The following TRAPPC8 variants were observed in gnomAD, a reference collection of about 807,000 sequenced individuals.
The protein encoded by TRAPPC8 is trafficking protein particle complex subunit 8.
TRAPPC8 carries 54 observed loss-of-function variants against 174.3 expected under a neutral mutation model. The ratio of observed to expected loss-of-function variants is 0.31; its 90% CI spans 0.25 to 0.39. TRAPPC8 has a LOEUF of 0.39. Among genes scored for constraint, TRAPPC8 ranks in the 10% least tolerant of loss-of-function variants. The probability of loss-of-function intolerance (pLI) is 1.00; values close to 1 mark genes in which losing one functional copy is unlikely to be tolerated. For missense variants in TRAPPC8, 1,531 were observed against 1,699.1 expected, an observed-to-expected ratio of 0.90 and a Z score of 1.74; for synonymous variants, 630 against 579.9, an observed-to-expected ratio of 1.09 and a Z score of -1.24.
chr18:31,919,143 T>C (rs2037267874), intron 2 of TRAPPC8, among the ~76,000 whole-genome samples: 1 of 152,170 alleles, frequency 6.6e-6, no homozygotes, highest in Non-Finnish European at 1.5e-5. Flanking sequence ...ATATATTACA[T>C]ATAGTCTGAT....
At chr18:31,889,047 T>C (rs1331106338) in intron 12 of TRAPPC8, among the ~76,000 whole-genome samples, 1 of 152,166 alleles carries the variant, frequency 6.6e-6, no homozygotes, top group Non-Finnish European at 1.5e-5. Flanking sequence ...ATTAGATATA[T>C]ATTGTATTGG....
At chr18:31,876,869 C>T (rs2035180994) in intron 12 of TRAPPC8, among the ~76,000 whole-genome samples, 1 of 152,206 alleles carries the variant, frequency 6.6e-6, no homozygotes, top group African/African-American at 2.4e-5. Context: ...GGCCAGCTCA[C>T]ACAGGCATGC....
chr18:31,916,471 A>AT (rs1568132931), intron 3 of TRAPPC8, 25 bp from the exon 4 acceptor site: 5 of 1,574,292 alleles, frequency 3.2e-6, no homozygotes, highest in Non-Finnish European at 4.3e-6. Context: ...TATTAAGGTA[A>AT]TTATCGCTTA....
At chr18:31,921,661 T>C (rs1464731184) in intron 2 of TRAPPC8, among the ~76,000 whole-genome samples, 1 of 151,790 alleles carries the variant, frequency 6.6e-6, no homozygotes, top group African/African-American at 2.4e-5. Flanking sequence ...TTTGATTTGG[T>C]CAGAAAAGCC....
At position 31,874,597 on chromosome 18, in the gene TRAPPC8, A is replaced by G. The variant is rs145744238; in HGVS notation, c.1836T>C (p.Tyr612=). 81 of 1,614,056 alleles carry G rather than the reference A, an allele frequency of 5.0e-5. No homozygotes were observed. The highest frequency in any genetic ancestry group is 6.7e-5 in the Non-Finnish European group (79 of 1,180,018). The change falls in exon 13 of 29, where the codon TAT becomes TAC. Residue 612 remains tyrosine (Y), a synonymous_variant. Transcript: ENST00000283351. Reference sequence around the variant, plus strand: ...CAGCATTATCCAGCTGTCTAAGAGTATAGGACTGGCGCCCAATAGTGAAAT... The same window carrying G: ...CAGCATTATCCAGCTGTCTAAGAGTGTAGGACTGGCGCCCAATAGTGAAAT... ...HINFTIGRQS[Y]TLRQLDNAVS... is the part of the protein sequence containing the mutation.
In TRAPPC8 at chr18:31,857,541, G is replaced by C; in HGVS notation, c.3187C>G (p.Arg1063Gly). ...TTTTATAAGTTTTATAATACTAACC[G>C]TATTTTTGGCTGCTTTTTGACACTT... ...YESVKKQPKI[R>G]HRILRHTAII... The change falls in exon 20 of 29, where the codon CGG becomes GGG. Residue 1063 changes from arginine (R) to glycine (G), a missense_variant and splice_region_variant. Coordinates refer to ENST00000283351, the MANE Select transcript of TRAPPC8 (RefSeq NM_014939.5). 1.3e-6 allele frequency: 2 copies of C among 1,582,818 alleles called. No homozygotes were observed. The highest frequency in any genetic ancestry group is 2.3e-5 in the South Asian group (2 of 86,444).
At chr18:31,892,125 A>C (rs1319301540) in intron 11 of TRAPPC8, among the ~76,000 whole-genome samples, 1 of 152,218 alleles carries the variant, frequency 6.6e-6, no homozygotes, top group Non-Finnish European at 1.5e-5. Context: ...AGAAATTATT[A>C]ATACAAACTA....
intron 4 of TRAPPC8, among the ~76,000 whole-genome samples, chr18:31,914,509 C>T (rs2037050909): frequency 1.3e-5 from 2 of 152,186 alleles, no homozygotes; most frequent in South Asian, 4.1e-4. Flanking sequence ...ATAGTCATTT[C>T]AAATTTTTTC....
intron 21 of TRAPPC8, 68 bp from the exon 22 acceptor site, chr18:31,854,013 T>C (rs2033861527): frequency 1.6e-6 from 2 of 1,240,880 alleles, no homozygotes; most frequent in Non-Finnish European, 2.3e-6. Context: ...CCGATGAGAA[T>C]AAAATTCAGA....
intron 1 of TRAPPC8, among the ~76,000 whole-genome samples, chr18:31,940,329 GC>G (rs1254607619): frequency 6.6e-6 from 1 of 151,556 alleles, no homozygotes; most frequent in Admixed American, 6.6e-5. Context: ...ACAAAAATAA[GC>G]CGTGAGCGCC....
Position 31,923,824 on chromosome 18 carries a change from G to A in TRAPPC8, c.353-6157C>T, listed in dbSNP as rs192287244. On this transcript the variant is annotated intron_variant, in intron 2 of 28. Transcript: ENST00000283351. ...GCCCAGGAGTTCGAGACCACTCTGG[G>A]CAACTTAGTGAGACCCTATCTCTAG... 1.1e-3 allele frequency among the ~76,000 whole-genome samples: 169 copies of A among 152,170 alleles called. 1 individual carries two copies. Among genetic ancestry groups the A allele is most frequent in the African/African-American group, 3.8e-3 (156 of 41,526 alleles).
intron 6 of TRAPPC8, 35 bp from the exon 7 acceptor site, chr18:31,909,045 A>G (rs1408683868): frequency 6.4e-7 from 1 of 1,569,306 alleles, no homozygotes; most frequent in African/African-American, 1.4e-5. Context: ...TTACTCTCAG[A>G]ATGCAACAGA....
intron 2 of TRAPPC8, among the ~76,000 whole-genome samples, chr18:31,918,216 T>TATGAA (rs1344912748): frequency 6.6e-6 from 1 of 151,586 alleles, no homozygotes; most frequent in Non-Finnish European, 1.5e-5. Flanking sequence ...AATATATTCA[T>TATGAA]ATATTCATGA....
chr18:31,874,382 T>A (rs549160656), intron 13 of TRAPPC8, 98 bp downstream of exon 13: 1 of 1,270,082 alleles, frequency 7.9e-7, no homozygotes, highest in African/African-American at 1.5e-5. Flanking sequence ...TAACTACATA[T>A]ATTCTAATAA....
At chr18:31,852,905 G>T in intron 22 of TRAPPC8, 1 of 417,700 alleles carries the variant, frequency 2.4e-6, no homozygotes, top group Admixed American at 3.9e-5. Flanking sequence ...TCATATATGC[G>T]ACATTTCAGA....
At chr18:31,917,321 G>C (rs1029320225) in intron 3 of TRAPPC8, among the ~76,000 whole-genome samples, 5 of 151,720 alleles carry the variant, frequency 3.3e-5, no homozygotes, top group Non-Finnish European at 7.4e-5. Flanking sequence ...ATTCAAGCTA[G>C]GGGGCTAAAG....
At chr18:31,869,707 G>A (rs771724126) in intron 16 of TRAPPC8, among the ~76,000 whole-genome samples, 7 of 152,154 alleles carry the variant, frequency 4.6e-5, no homozygotes, top group Non-Finnish European at 8.8e-5. Context: ...TTTGATATCA[G>A]AATACGCCTA....
chr18:31,884,051 T>C (rs1439343454), intron 12 of TRAPPC8, among the ~76,000 whole-genome samples: 1 of 152,080 alleles, frequency 6.6e-6, no homozygotes, highest in Non-Finnish European at 1.5e-5. Context: ...TAGCTGGGCT[T>C]GGTGGCAGAC....
At chr18:31,837,346 T>C (rs1238698075) in intron 27 of TRAPPC8, among the ~76,000 whole-genome samples, 2 of 150,984 alleles carry the variant, frequency 1.3e-5, no homozygotes, top group Admixed American at 1.3e-4. Flanking sequence ...GGCAAGCACA[T>C]ATGTACAAGG....
Sources: gnomAD v4.1 joint callset for allele counts (sites outside exome capture counted in the v4.1 genomes callset) on GRCh38, gnomAD v4.1.1 for gene constraint, MANE v1.5 for transcripts, NCBI Gene and HGNC (gene_info 2026-07-23, HGNC 2026-07-21) for gene names.